The following KLHL1 variants were observed in gnomAD, a reference collection of about 807,000 sequenced individuals.
KLHL1 encodes the protein kelch-like protein 1.
A neutral mutation model predicts 77.7 loss-of-function variants in KLHL1; 47 were observed. The observed-to-expected ratio is 0.60, with a 90% CI of 0.48 to 0.77. The LOEUF (loss-of-function observed/expected upper bound fraction) is 0.77, where lower values mean the gene tolerates loss of function less well. Among genes scored for constraint, KLHL1 ranks in the 30% least tolerant of loss-of-function variants. KLHL1 has a pLI of 0.00. For synonymous variants in KLHL1, 360 were observed against 325.2 expected (o/e 1.11, Z -1.15); for missense variants, 925 against 910.8 (o/e 1.02, Z -0.20).
intron 1 of KLHL1, among the ~76,000 whole-genome samples, chr13:70,008,226 T>C (rs564190525): frequency 3.9e-5 from 6 of 152,184 alleles, no homozygotes; most frequent in African/African-American, 1.4e-4. Flanking sequence ...ATTTATAGGT[T>C]TCTTTTGGAA....
At chr13:69,801,265 A>T (rs1877367769) in intron 6 of KLHL1, among the ~76,000 whole-genome samples, 1 of 152,190 alleles carries the variant, frequency 6.6e-6, no homozygotes, top group Admixed American at 6.5e-5. Flanking sequence ...ATTCTGGCTG[A>T]GTATTGCCAG....
At chr13:69,895,481 A>C (rs1881599765) in intron 4 of KLHL1, among the ~76,000 whole-genome samples, 1 of 152,138 alleles carries the variant, frequency 6.6e-6, no homozygotes, top group African/African-American at 2.4e-5. Context: ...TTTGTAATAT[A>C]AACGGGTTGA....
chr13:69,956,128 GATATATATGATATATATATTTAT>G (rs1294121005), intron 3 of KLHL1, among the ~76,000 whole-genome samples: 3 of 128,320 alleles, frequency 2.3e-5, no homozygotes, highest in African/African-American at 8.5e-5. Flanking sequence ...ATATATATTT[GATATATATGATATATATATTTAT>G]ATATATTTGA....
chr13:69,922,924 T>G (rs1411284613), intron 4 of KLHL1, among the ~76,000 whole-genome samples: 1 of 152,174 alleles, frequency 6.6e-6, no homozygotes, highest in East Asian at 1.9e-4. Flanking sequence ...AAATATTATA[T>G]AAAATATTCA....
In KLHL1 at chr13:69,778,876, A is replaced by T. The variant is rs181332888; in HGVS notation, c.1639+17862T>A. 2.0e-4 allele frequency among the ~76,000 whole-genome samples: 28 copies of T among 137,996 alleles called. No individual in the cohort carries two copies. In the East Asian group the frequency reaches 5.9e-3, roughly 29 times the overall value. 90.5% of individuals were successfully genotyped at this position (137,996 alleles called of 152,430 possible). On this transcript the variant is annotated intron_variant, in intron 7 of 10. Coordinates refer to ENST00000377844, the MANE Select transcript of KLHL1 (RefSeq NM_020866.3). ...TACAGTGGTGCAATCTTGGCTTATC[A>T]CAACTTCCACCTTCCGGGTTCAAGC... is the stretch of plus-strand genomic sequence containing the variant.
At position 69,862,592 on chromosome 13, in the gene KLHL1, T is replaced by G. The variant is rs112692826; in HGVS notation, c.1227+19691A>C. Among the ~76,000 whole-genome samples the G allele has an allele frequency of 5.3e-3, 800 of 152,276 alleles. 17 individuals carry two copies. Among genetic ancestry groups the G allele is most frequent in the African/African-American group, 0.018 (765 of 41,562 alleles). On this transcript the variant is annotated intron_variant, in intron 5 of 10. Transcript: ENST00000377844. ...GGTGAAAGTTTTATACCTGTTGCTA[T>G]GTACTGAATTGTGTCCCCTCAAAAT...
At chr13:69,890,880 G>A (rs1322468223) in intron 4 of KLHL1, among the ~76,000 whole-genome samples, 1 of 151,790 alleles carries the variant, frequency 6.6e-6, no homozygotes, top group Non-Finnish European at 1.5e-5. Context: ...TTGCTTCTTT[G>A]CATACATTTT....
chr13:69,794,113 T>C (rs1395482451), intron 7 of KLHL1, among the ~76,000 whole-genome samples: 1 of 152,074 alleles, frequency 6.6e-6, no homozygotes, highest in African/African-American at 2.4e-5. Context: ...AGCTACCAGC[T>C]CTAAGGTTAA....
At position 69,841,300 on chromosome 13, in the gene KLHL1, C is replaced by T. The variant is rs979389651; in HGVS notation, c.1228-2138G>A. On this transcript the variant is annotated intron_variant, in intron 5 of 10. Coordinates refer to ENST00000377844, the MANE Select transcript of KLHL1 (RefSeq NM_020866.3). ...TTCTCCTGTTTACTGATTATATAGT[C>T]TTATATCTAGAAAAACCAAAAGACT... 2.0e-5 allele frequency among the ~76,000 whole-genome samples: 3 copies of T among 151,614 alleles called. No homozygotes were observed. In the South Asian group the frequency reaches 6.2e-4, roughly 31 times the overall value.
intron 1 of KLHL1, among the ~76,000 whole-genome samples, chr13:69,999,795 A>G (rs1371560063): frequency 6.6e-6 from 1 of 152,086 alleles, no homozygotes; most frequent in Non-Finnish European, 1.5e-5. Context: ...GACAAGATGT[A>G]TATGGAATGG....
intron 6 of KLHL1, among the ~76,000 whole-genome samples, chr13:69,831,994 A>G (rs2138095966): frequency 6.7e-6 from 1 of 150,314 alleles, no homozygotes; most frequent in Non-Finnish European, 1.5e-5. Flanking sequence ...TCAACATTAT[A>G]CTGGATGAGG....
At chr13:70,084,280 TTATAAC>T (rs1440292096) in intron 1 of KLHL1, among the ~76,000 whole-genome samples, 1 of 152,102 alleles carries the variant, frequency 6.6e-6, no homozygotes, top group East Asian at 1.9e-4. Flanking sequence ...ACTAAGTACT[TTATAAC>T]TATACCCAGC....
chr13:69,809,910 G>A (rs191634554), intron 6 of KLHL1, among the ~76,000 whole-genome samples: 3 of 151,492 alleles, frequency 2.0e-5, no homozygotes, highest in Admixed American at 1.3e-4. Context: ...TCGTTTATCA[G>A]ATAAAATAGA....
At chr13:70,049,625 G>T (rs1473424799) in intron 1 of KLHL1, among the ~76,000 whole-genome samples, 2 of 151,986 alleles carry the variant, frequency 1.3e-5, no homozygotes, top group African/African-American at 4.8e-5. Flanking sequence ...TATTTACACA[G>T]ATTTTATAAT....
chr13:69,778,751 T>C (rs1442802483), intron 7 of KLHL1, among the ~76,000 whole-genome samples: 2 of 151,888 alleles, frequency 1.3e-5, no homozygotes, highest in Non-Finnish European at 2.9e-5. Flanking sequence ...AACTAGTGTT[T>C]ATATCTACTG....
intron 10 of KLHL1, among the ~76,000 whole-genome samples, chr13:69,702,414 C>A (rs1480443546): frequency 5.9e-5 from 9 of 151,632 alleles, no homozygotes; most frequent in Admixed American, 3.3e-4. Context: ...AAAATTTATT[C>A]TTTGGAGACA....
At chr13:69,855,924 AT>A (rs1033618192) in intron 5 of KLHL1, among the ~76,000 whole-genome samples, 2 of 139,526 alleles carry the variant, frequency 1.4e-5, no homozygotes, top group African/African-American at 2.8e-5. Context: ...GTTATAACAT[AT>A]TAATATGCAT....
intron 7 of KLHL1, among the ~76,000 whole-genome samples, chr13:69,791,074 A>G (rs9599513): frequency 6.6e-6 from 1 of 152,090 alleles, no homozygotes; most frequent in Non-Finnish European, 1.5e-5. Context: ...CATAAAAAAG[A>G]AAAAATAATA....
intron 7 of KLHL1, among the ~76,000 whole-genome samples, chr13:69,745,744 A>G (rs1370618422): frequency 1.3e-5 from 2 of 152,038 alleles, no homozygotes; most frequent in East Asian, 3.9e-4. Context: ...TATTTCCTGA[A>G]CAGAACATGA....
Sources: gnomAD v4.1 joint callset for allele counts (sites outside exome capture counted in the v4.1 genomes callset) on GRCh38, gnomAD v4.1.1 for gene constraint, MANE v1.5 for transcripts, NCBI Gene and HGNC (gene_info 2026-07-23, HGNC 2026-07-21) for gene names.